The following ZNF362 variants were observed in gnomAD, a reference collection of about 807,000 sequenced individuals.
ZNF362 encodes the protein zinc finger protein 362.
In ZNF362, 11 loss-of-function variants were observed where a neutral mutation model predicts 42.9. That is an observed-to-expected ratio of 0.26 (90% CI 0.16 to 0.42). ZNF362 has a LOEUF of 0.42. ZNF362 is among the 20% of genes least tolerant of loss of function. ZNF362 has a pLI of 1.00. For synonymous variants in ZNF362, 255 were observed against 257.3 expected (o/e 0.99, Z 0.09); for missense variants, 362 against 576.2 (o/e 0.63, Z 3.81).
the ZNF362 span, among the ~76,000 whole-genome samples, chr1:33,202,596 A>AG: frequency 1.3e-5 from 2 of 149,374 alleles, no homozygotes; most frequent in Non-Finnish European, 3.0e-5. Context: ...AGACTCCATA[A>AG]AAAAAAAAAA....
chr1:33,208,183 A>G, the ZNF362 span, among the ~76,000 whole-genome samples: 1 of 152,166 alleles, frequency 6.6e-6, no homozygotes, highest in Non-Finnish European at 1.5e-5. Context: ...CCATTTATTA[A>G]ATAGGGCATC....
the ZNF362 span, among the ~76,000 whole-genome samples, chr1:33,143,534 A>G: frequency 1.3e-5 from 2 of 152,108 alleles, no homozygotes; most frequent in African/African-American, 4.8e-5. Flanking sequence ...TCAGACAATC[A>G]GAGACCTCTC....
chr1:33,290,476 G>T (rs1038125456), intron 6 of ZNF362, among the ~76,000 whole-genome samples: 12 of 152,050 alleles, frequency 7.9e-5, no homozygotes, highest in African/African-American at 2.9e-4. Context: ...TTGGACATTT[G>T]GGTTGGTTCC....
At chr1:33,209,834 C>T in the ZNF362 span, among the ~76,000 whole-genome samples, 3 of 151,958 alleles carry the variant, frequency 2.0e-5, no homozygotes, top group Non-Finnish European at 4.4e-5. Flanking sequence ...ATTAGTCTTG[C>T]TAGTGGTCTA....
At chr1:33,136,662 G>A in the ZNF362 span, among the ~76,000 whole-genome samples, 6 of 151,624 alleles carry the variant, frequency 4.0e-5, no homozygotes, top group Admixed American at 2.0e-4. Context: ...GAGCCACTGC[G>A]CCTGGCCCCA....
At chr1:33,156,142 A>G in the ZNF362 span, among the ~76,000 whole-genome samples, 150,815 of 152,332 alleles carry the variant, frequency 0.99, 74,675 homozygotes, top group Middle Eastern at 1. Context: ...TGCAGTCAAG[A>G]CTGTCACTCC....
the ZNF362 span, among the ~76,000 whole-genome samples, chr1:33,170,207 G>A: frequency 6.6e-6 from 1 of 152,172 alleles, no homozygotes; most frequent in South Asian, 2.1e-4. Flanking sequence ...GTGGATGCCT[G>A]TAATTCCAGC....
chr1:33,174,945 GTATATA>G, the ZNF362 span, among the ~76,000 whole-genome samples: 2,039 of 141,704 alleles, frequency 0.014, 23 homozygotes, highest in African/African-American at 0.033. Flanking sequence ...ATATATGTGT[GTATATA>G]TATATATATA....
the ZNF362 span, chr1:33,181,512 G>A: frequency 2.7e-6 from 4 of 1,468,462 alleles, no homozygotes; most frequent in East Asian, 5.1e-5. This position sits in a 1 kb window ranked among gnomAD's most constrained non-coding sequence, Gnocchi z 6.5. Context: ...AGGCAGCACC[G>A]AGGGCTGGGC....
the ZNF362 span, among the ~76,000 whole-genome samples, chr1:33,223,572 A>G: frequency 2.0e-5 from 3 of 152,148 alleles, no homozygotes; most frequent in African/African-American, 7.2e-5. Context: ...ATTTTGGGTG[A>G]ATCAGAAGTA....
At chr1:33,271,519 G>A (rs947525656) in intron 2 of ZNF362, among the ~76,000 whole-genome samples, 1 of 152,246 alleles carries the variant, frequency 6.6e-6, no homozygotes, top group Non-Finnish European at 1.5e-5. Flanking sequence ...CTGGTGAGTT[G>A]GAGTAAAGAT....
intron 1 of ZNF362, chr1:33,261,650 A>C (rs1645828634): frequency 6.6e-6 from 1 of 152,234 alleles, no homozygotes; most frequent in Non-Finnish European, 1.5e-5. Flanking sequence ...AGACACCGTT[A>C]TCTCTCCAAT....
At chr1:33,211,276 A>G in the ZNF362 span, among the ~76,000 whole-genome samples, 2 of 152,106 alleles carry the variant, frequency 1.3e-5, no homozygotes, top group East Asian at 1.9e-4. Context: ...TGATCCTGCC[A>G]TTATGATGCT....
chr1:33,267,338 C>T (rs1645871741), intron 1 of ZNF362, among the ~76,000 whole-genome samples: 1 of 152,168 alleles, frequency 6.6e-6, no homozygotes, highest in Admixed American at 6.5e-5. Context: ...GCCCCTGCTC[C>T]AAGCCGGAAG....
At chr1:33,229,411 T>C in the ZNF362 span, among the ~76,000 whole-genome samples, 1 of 151,384 alleles carries the variant, frequency 6.6e-6, no homozygotes, top group Non-Finnish European at 1.5e-5. Context: ...CTGCCTTTTT[T>C]TTTTTTTTTT....
the ZNF362 span, chr1:33,147,840 G>T: frequency 3.4e-6 from 4 of 1,188,370 alleles, no homozygotes; most frequent in African/African-American, 4.6e-5. The surrounding 1 kb of genome is among the most constrained non-coding windows in gnomAD (Gnocchi z 8.1). Context: ...CCTCTGACCT[G>T]CTGTGTGACC....
chr1:33,160,032 A>G, the ZNF362 span: 4 of 1,531,456 alleles, frequency 2.6e-6, no homozygotes, highest in Non-Finnish European at 2.6e-6. Flanking sequence ...GCCTTGACAC[A>G]CAGAGAGGAA....
chr1:33,171,579 C>T, the ZNF362 span, among the ~76,000 whole-genome samples: 1 of 152,240 alleles, frequency 6.6e-6, no homozygotes, highest in African/African-American at 2.4e-5. Context: ...TTTGTGCTGG[C>T]CGCTCCAGGG....
the ZNF362 span, among the ~76,000 whole-genome samples, chr1:33,216,642 T>A: frequency 7.0e-6 from 1 of 143,868 alleles, no homozygotes; most frequent in South Asian, 2.3e-4. Context: ...AAAAAATTCC[T>A]CTGGGAGTCA....
Sources: allele counts gnomAD v4.1 joint callset (sites outside exome capture counted in the v4.1 genomes callset), GRCh38; gene constraint gnomAD v4.1.1; non-coding constraint Gnocchi (gnomAD v3.1); transcripts MANE v1.5; gene names NCBI Gene and HGNC (gene_info 2026-07-23, HGNC 2026-07-21).